The following KDM4C variants were observed in gnomAD, a reference collection of about 807,000 sequenced individuals.
KDM4C encodes lysine demethylase 4C.
A neutral mutation model predicts 129.3 loss-of-function variants in KDM4C; 81 were observed. The ratio of observed to expected loss-of-function variants is 0.63; its 90% CI spans 0.52 to 0.75. The LOEUF is 0.75. Ranked by LOEUF, KDM4C falls within the 30% of genes least tolerant of loss-of-function variation. KDM4C has a pLI of 0.00. For synonymous variants in KDM4C, 573 were observed against 456.1 expected (o/e 1.26, Z -3.26); for missense variants, 1,457 against 1,304.0 (o/e 1.12, Z -1.81).
intron 5 of KDM4C, among the ~76,000 whole-genome samples, chr9:6,877,269 C>T (rs1843702890): frequency 1.3e-5 from 2 of 152,166 alleles, no homozygotes; most frequent in South Asian, 4.1e-4. Flanking sequence ...GGCGCCATCT[C>T]AGCTCACTGC....
At chr9:7,133,734 G>A (rs541472357) in intron 19 of KDM4C, among the ~76,000 whole-genome samples, 3 of 152,208 alleles carry the variant, frequency 2.0e-5, no homozygotes, top group Admixed American at 6.5e-5. Flanking sequence ...ACCCGTTTCA[G>A]TGTTGAGCCC....
intron 1 of KDM4C, among the ~76,000 whole-genome samples, chr9:6,746,899 G>T (rs192867071): frequency 0.028 from 4,172 of 149,184 alleles, 208 homozygotes; most frequent in African/African-American, 0.097. Flanking sequence ...CCAGCTACTC[G>T]GGAGGCTGAG....
At chr9:6,800,752 G>A (rs905557258) in intron 2 of KDM4C, among the ~76,000 whole-genome samples, 3 of 152,076 alleles carry the variant, frequency 2.0e-5, no homozygotes, top group African/African-American at 7.2e-5. Context: ...TCAGCCTCCC[G>A]AGTAGCTAGG....
At chr9:6,748,544 T>C (rs1359739537) in intron 1 of KDM4C, among the ~76,000 whole-genome samples, 2 of 151,878 alleles carry the variant, frequency 1.3e-5, no homozygotes, top group Non-Finnish European at 2.9e-5. Flanking sequence ...TTATTATTAG[T>C]ATTATTAGTT....
At chr9:6,924,673 G>C (rs961566812) in intron 8 of KDM4C, 5 of 678,574 alleles carry the variant, frequency 7.4e-6, no homozygotes, top group Middle Eastern at 7.4e-4. Context: ...TGTTACACTT[G>C]TGTTCTGCTG....
At chr9:7,140,088 A>G (rs1434962632) in intron 19 of KDM4C, among the ~76,000 whole-genome samples, 3 of 152,176 alleles carry the variant, frequency 2.0e-5, no homozygotes, top group Non-Finnish European at 4.4e-5. Context: ...GATCTTATCC[A>G]GAAGCTGCTG....
chr9:6,790,335 C>G (rs958938257), intron 1 of KDM4C, among the ~76,000 whole-genome samples: 1 of 151,156 alleles, frequency 6.6e-6, no homozygotes, highest in African/African-American at 2.4e-5. Context: ...AGCTCCGCCT[C>G]CTGGATTCAT....
intron 2 of KDM4C, among the ~76,000 whole-genome samples, chr9:6,800,041 A>G (rs934391633): frequency 1.3e-4 from 20 of 151,418 alleles, no homozygotes; most frequent in African/African-American, 4.6e-4. Context: ...CTGGCAACAT[A>G]GCGAGACCAC....
chr9:6,926,341 TAA>T (rs33974740), intron 8 of KDM4C, among the ~76,000 whole-genome samples: 2 of 107,388 alleles, frequency 1.9e-5, no homozygotes, highest in Admixed American at 8.9e-5. Flanking sequence ...AGATAATTTG[TAA>T]AAAAAAAAAA....
At chr9:6,778,256 A>C (rs1456893495) in intron 1 of KDM4C, among the ~76,000 whole-genome samples, 1 of 151,188 alleles carries the variant, frequency 6.6e-6, no homozygotes, top group Non-Finnish European at 1.5e-5. Context: ...CCCCTGGCTA[A>C]TTTTTGTATT....
chr9:6,887,620 C>G (rs1253900445), intron 6 of KDM4C, among the ~76,000 whole-genome samples: 2 of 152,184 alleles, frequency 1.3e-5, no homozygotes, highest in Non-Finnish European at 2.9e-5. Flanking sequence ...ATTTATCTTT[C>G]CTAACTTCCC....
At chr9:6,743,024 A>G (rs952957324) in intron 1 of KDM4C, among the ~76,000 whole-genome samples, 1 of 152,148 alleles carries the variant, frequency 6.6e-6, no homozygotes, top group African/African-American at 2.4e-5. Context: ...AATAAAACAA[A>G]AATCCTAGGT....
chr9:7,110,595 T>C (rs1838212494), intron 18 of KDM4C, among the ~76,000 whole-genome samples: 1 of 152,156 alleles, frequency 6.6e-6, no homozygotes, highest in African/African-American at 2.4e-5. Flanking sequence ...CTCTACGCGC[T>C]TGGATCCACA....
At chr9:6,911,007 T>A (rs1819197439) in intron 8 of KDM4C, among the ~76,000 whole-genome samples, 1 of 152,216 alleles carries the variant, frequency 6.6e-6, no homozygotes, top group South Asian at 2.1e-4. Context: ...TATTACAAAT[T>A]ATAGAAAGAT....
Position 6,915,804 on chromosome 9 carries a change from T to A in KDM4C, c.921+22572T>A, listed in dbSNP as rs559151052. On this transcript the variant is annotated intron_variant, in intron 8 of 21. Transcript: ENST00000381309. ...TACACTTCCAGCTTCCTTTGGAAGC[T>A]GCCTGTTAATAGTGATGACGTTATC... Among the ~76,000 whole-genome samples, 894 of 152,342 alleles carry A rather than the reference T, an allele frequency of 5.9e-3. 13 individuals are homozygous for A. Among genetic ancestry groups the A allele is most frequent in the African/African-American group, 0.02 (846 of 41,580 alleles).
chr9:6,980,169 C>G (rs981378765), intron 8 of KDM4C, among the ~76,000 whole-genome samples: 1 of 152,190 alleles, frequency 6.6e-6, no homozygotes, highest in African/African-American at 2.4e-5. Context: ...TGAATGATAA[C>G]TTCCCTGTTG....
chr9:6,721,125 G>C, intron 1 of KDM4C: 1 of 796,998 alleles, frequency 1.3e-6, no homozygotes. Flanking sequence ...CCAGGCTAGA[G>C]GGCAGTGGTG....
At chr9:6,981,192 C>G in intron 9 of KDM4C, 74 bp downstream of exon 9, 1 of 1,176,040 alleles carries the variant, frequency 8.5e-7, no homozygotes, top group Non-Finnish European at 1.2e-6. Context: ...TTGGATGTGG[C>G]AATTTACTTG....
At chr9:7,031,913 A>G (rs1312114189) in intron 15 of KDM4C, among the ~76,000 whole-genome samples, 1 of 152,226 alleles carries the variant, frequency 6.6e-6, no homozygotes, top group African/African-American at 2.4e-5. Context: ...AGTACTGCTA[A>G]ATTTTGTGAG....
Sources: allele counts gnomAD v4.1 joint callset (sites outside exome capture counted in the v4.1 genomes callset), GRCh38; gene constraint gnomAD v4.1.1; transcripts MANE v1.5; gene names NCBI Gene and HGNC (gene_info 2026-07-23, HGNC 2026-07-21).